SNTG1: variants seen among roughly 807,000 people sequenced by gnomAD.
The protein encoded by SNTG1 is syntrophin gamma 1.
Under a neutral mutation model 74.7 loss-of-function variants are expected in SNTG1, and 39 were observed. That is an observed-to-expected ratio of 0.52 (90% CI 0.40 to 0.68). The LOEUF (loss-of-function observed/expected upper bound fraction) is 0.68, where lower values mean the gene tolerates loss of function less well. Among genes scored for constraint, SNTG1 ranks in the 30% least tolerant of loss-of-function variants. The pLI is 0.00. For missense variants in SNTG1, 685 were observed against 609.5 expected (o/e 1.12, Z -1.30); for synonymous variants, 254 against 217.1 (o/e 1.17, Z -1.49).
intron 2 of SNTG1, among the ~76,000 whole-genome samples, chr8:50,209,640 C>G (rs1017464269): frequency 1.3e-5 from 2 of 152,244 alleles, no homozygotes; most frequent in African/African-American, 2.4e-5. Flanking sequence ...CAAACTCCAA[C>G]AGACCTGCAG....
At chr8:50,509,202 G>C (rs981845092) in intron 9 of SNTG1, among the ~76,000 whole-genome samples, 14 of 152,176 alleles carry the variant, frequency 9.2e-5, no homozygotes, top group African/African-American at 1.4e-4. Flanking sequence ...GCTTGTTTTT[G>C]TCAGGTTTGT....
intron 1 of SNTG1, among the ~76,000 whole-genome samples, chr8:50,040,289 T>A (rs1253899972): frequency 6.6e-6 from 1 of 152,174 alleles, no homozygotes; most frequent in African/African-American, 2.4e-5. Context: ...TAACTCCATA[T>A]CTTTTTATAA....
At chr8:50,562,500 C>T (rs1028363404) in intron 12 of SNTG1, among the ~76,000 whole-genome samples, 1 of 152,210 alleles carries the variant, frequency 6.6e-6, no homozygotes, top group Non-Finnish European at 1.5e-5. Context: ...CACTTCTACT[C>T]TAGAGCCTCC....
chr8:50,511,324 C>T (rs1187304918), intron 9 of SNTG1, among the ~76,000 whole-genome samples: 1 of 152,070 alleles, frequency 6.6e-6, no homozygotes, highest in Non-Finnish European at 1.5e-5. Context: ...CTGAGGAGTG[C>T]TTTACTTCCA....
chr8:50,767,262 C>T (rs1412867276), intron 18 of SNTG1, among the ~76,000 whole-genome samples: 1 of 151,904 alleles, frequency 6.6e-6, no homozygotes, highest in Non-Finnish European at 1.5e-5. Context: ...CATGAGCCAC[C>T]ATATGTATTA....
intron 17 of SNTG1, among the ~76,000 whole-genome samples, chr8:50,751,707 A>G (rs117110696): frequency 0.025 from 3,867 of 152,120 alleles, 66 homozygotes; most frequent in Middle Eastern, 0.041. Context: ...AAAGGACTCA[A>G]TGAAACATAC....
At chr8:50,512,957 A>G (rs1467535119) in intron 9 of SNTG1, among the ~76,000 whole-genome samples, 2 of 152,102 alleles carry the variant, frequency 1.3e-5, no homozygotes, top group Non-Finnish European at 2.9e-5. Context: ...TGTTGCTTGT[A>G]AGGAGCTGTA....
At chr8:50,762,889 T>A (rs1355067) in intron 18 of SNTG1, 1 of 299,030 alleles carries the variant, frequency 3.3e-6, no homozygotes, top group Admixed American at 3.9e-5. Flanking sequence ...TTTTAAATGT[T>A]TTCCCCTCCT....
At chr8:50,456,551 T>A (rs1309123218) in intron 8 of SNTG1, among the ~76,000 whole-genome samples, 1 of 152,028 alleles carries the variant, frequency 6.6e-6, no homozygotes, top group Non-Finnish European at 1.5e-5. Context: ...GCAGAAAAAA[T>A]TTGAAGGGCC....
chr8:50,011,588 T>C (rs1305686212), intron 1 of SNTG1, among the ~76,000 whole-genome samples: 1 of 151,842 alleles, frequency 6.6e-6, no homozygotes, highest in Non-Finnish European at 1.5e-5. Flanking sequence ...CTAATAATTT[T>C]TATACGTGAT....
chr8:50,496,667 T>A (rs1164172675), intron 8 of SNTG1, among the ~76,000 whole-genome samples: 2 of 152,210 alleles, frequency 1.3e-5, no homozygotes, highest in South Asian at 2.1e-4. Context: ...ATTAAACACA[T>A]AAATATCTAT....
intron 15 of SNTG1, among the ~76,000 whole-genome samples, chr8:50,701,232 A>G (rs2095422503): frequency 6.6e-6 from 1 of 152,226 alleles, no homozygotes; most frequent in South Asian, 2.1e-4. Flanking sequence ...CAATTTATCA[A>G]TTTAAAAAGC....
intron 1 of SNTG1, among the ~76,000 whole-genome samples, chr8:50,171,751 A>T (rs1336855433): frequency 6.6e-6 from 1 of 152,188 alleles, no homozygotes; most frequent in Non-Finnish European, 1.5e-5. Flanking sequence ...ATGCATATTT[A>T]TAGGCCTCTA....
intron 1 of SNTG1, among the ~76,000 whole-genome samples, chr8:50,071,626 A>C (rs1821376507): frequency 6.6e-6 from 1 of 151,706 alleles, no homozygotes; most frequent in Admixed American, 6.6e-5. Flanking sequence ...TTATAGGCTC[A>C]CACCACCATG....
chr8:50,205,138 T>A (rs1417979229), intron 2 of SNTG1, among the ~76,000 whole-genome samples: 1 of 152,208 alleles, frequency 6.6e-6, no homozygotes, highest in Non-Finnish European at 1.5e-5. Context: ...CCTTGAGGAA[T>A]CACCACACTG....
intron 2 of SNTG1, among the ~76,000 whole-genome samples, chr8:50,243,790 A>G (rs1394427545): frequency 2.0e-5 from 3 of 152,182 alleles, no homozygotes; most frequent in Non-Finnish European, 4.4e-5. Context: ...CATTTTATGA[A>G]AAAAACAAAT....
chr8:50,073,114 T>C (rs1821519455), intron 1 of SNTG1, among the ~76,000 whole-genome samples: 1 of 152,192 alleles, frequency 6.6e-6, no homozygotes, highest in African/African-American at 2.4e-5. Context: ...AAGATTACTC[T>C]GTAGCATGCA....
chr8:50,046,969 G>T (rs1022656491), intron 1 of SNTG1, among the ~76,000 whole-genome samples: 3 of 151,952 alleles, frequency 2.0e-5, no homozygotes, highest in African/African-American at 7.3e-5. Context: ...TGTCATTTAT[G>T]TTATTAAGTT....
intron 1 of SNTG1, among the ~76,000 whole-genome samples, chr8:49,947,415 G>C (rs1205863441): frequency 6.6e-6 from 1 of 152,188 alleles, no homozygotes; most frequent in Admixed American, 6.5e-5. Context: ...AGCTGTCCTG[G>C]TGAATACATT....
Sources: allele counts gnomAD v4.1 joint callset (sites outside exome capture counted in the v4.1 genomes callset), GRCh38; gene constraint gnomAD v4.1.1; transcripts MANE v1.5; gene names NCBI Gene and HGNC (gene_info 2026-07-23, HGNC 2026-07-21).